Variants in RPS6KC1 observed in about 807,000 individuals in gnomAD.
RPS6KC1 encodes the protein ribosomal protein S6 kinase C1.
Under a neutral mutation model 103.8 loss-of-function variants are expected in RPS6KC1, and 54 were observed. The observed-to-expected ratio is 0.52, with a 90% CI of 0.42 to 0.65. RPS6KC1 has a LOEUF of 0.65. RPS6KC1 is among the 30% of genes least tolerant of loss of function. The pLI is 0.00. For synonymous variants in RPS6KC1, 439 were observed against 438.7 expected (o/e 1.00, Z -0.01); for missense variants, 1,151 against 1,253.8 (o/e 0.92, Z 1.24).
Position 213,187,755 on chromosome 1 carries a change from A to G in RPS6KC1, c.1044+11263A>G, listed in dbSNP as rs576465849. 2.0e-5 allele frequency among the ~76,000 whole-genome samples: 3 copies of G among 151,208 alleles called. 1 individual carries two copies. Among genetic ancestry groups the G allele is most frequent in the African/African-American group, 7.3e-5 (3 of 41,152 alleles). ...GTTTGCTGTTGTTTCTTGTGGGTATATTTTATGTCTTTGCATTGAAGGATA... is the reference window on the plus strand; with the variant it reads ...GTTTGCTGTTGTTTCTTGTGGGTATGTTTTATGTCTTTGCATTGAAGGATA... On this transcript the variant is annotated intron_variant, in intron 8 of 14. Transcript: ENST00000366960.
At chr1:213,414,595 GACC>G in the RPS6KC1 span, among the ~76,000 whole-genome samples, 1 of 152,136 alleles carries the variant, frequency 6.6e-6, no homozygotes, top group African/African-American at 2.4e-5. Context: ...CTCCAGGAGG[GACC>G]AGCCCCTTCT....
the RPS6KC1 span, among the ~76,000 whole-genome samples, chr1:213,844,862 A>G: frequency 6.6e-6 from 1 of 152,192 alleles, no homozygotes; most frequent in African/African-American, 2.4e-5. Flanking sequence ...AAAAGTAAAA[A>G]GTATGAAGTC....
the RPS6KC1 span, among the ~76,000 whole-genome samples, chr1:213,356,205 A>G: frequency 1.2e-4 from 18 of 152,214 alleles, no homozygotes; most frequent in Non-Finnish European, 2.2e-4. Context: ...GGGTGGTACA[A>G]GGTTTTCTAG....
chr1:213,543,160 T>A, the RPS6KC1 span, among the ~76,000 whole-genome samples: 1 of 152,198 alleles, frequency 6.6e-6, no homozygotes, highest in South Asian at 2.1e-4. Flanking sequence ...AGCCTAGAGA[T>A]GCTCATAAAT....
chr1:213,486,543 GT>G, the RPS6KC1 span, among the ~76,000 whole-genome samples: 1 of 152,112 alleles, frequency 6.6e-6, no homozygotes, highest in Admixed American at 6.5e-5. Context: ...GAAAGGTGAT[GT>G]TTGAGTACTT....
the RPS6KC1 span, among the ~76,000 whole-genome samples, chr1:213,811,280 A>G: frequency 2.6e-5 from 4 of 152,212 alleles, no homozygotes; most frequent in Non-Finnish European, 5.9e-5. Context: ...AGACACTGCT[A>G]AAGATACAGA....
At chr1:213,084,134 C>T (rs1317130153) in intron 3 of RPS6KC1, among the ~76,000 whole-genome samples, 1 of 152,090 alleles carries the variant, frequency 6.6e-6, no homozygotes, top group African/African-American at 2.4e-5. Flanking sequence ...CTTTCTCCTT[C>T]CCTCTCTCCC....
chr1:213,720,498 G>A, the RPS6KC1 span, among the ~76,000 whole-genome samples: 12 of 152,300 alleles, frequency 7.9e-5, no homozygotes, highest in South Asian at 1.9e-3. Flanking sequence ...CCAGCACAGC[G>A]ATAAAAATCA....
chr1:213,129,021 C>T (rs966615340), intron 5 of RPS6KC1, among the ~76,000 whole-genome samples: 1 of 152,096 alleles, frequency 6.6e-6, no homozygotes, highest in Non-Finnish European at 1.5e-5. Flanking sequence ...TGGCGCTGGG[C>T]TTGGTGGCTC....
At chr1:213,378,889 G>C in the RPS6KC1 span, among the ~76,000 whole-genome samples, 1 of 152,148 alleles carries the variant, frequency 6.6e-6, no homozygotes, top group Admixed American at 6.5e-5. Context: ...CTTGGTGAGT[G>C]ATTTATGCTG....
At chr1:213,846,281 CAG>C in the RPS6KC1 span, among the ~76,000 whole-genome samples, 1 of 151,648 alleles carries the variant, frequency 6.6e-6, no homozygotes, top group African/African-American at 2.4e-5. Flanking sequence ...GCCTGGGTGA[CAG>C]AGCGAGACTC....
the RPS6KC1 span, among the ~76,000 whole-genome samples, chr1:213,472,407 T>G: frequency 6.6e-6 from 1 of 152,208 alleles, no homozygotes; most frequent in East Asian, 1.9e-4. Flanking sequence ...CTTCCCAGCT[T>G]GACATTACAT....
chr1:213,206,897 G>C (rs2093365735), intron 8 of RPS6KC1, among the ~76,000 whole-genome samples: 1 of 152,136 alleles, frequency 6.6e-6, no homozygotes, highest in Non-Finnish European at 1.5e-5. Flanking sequence ...CGGATCACGA[G>C]GTCAGGAGTT....
At chr1:213,269,190 A>C (rs2094982761) in intron 14 of RPS6KC1, among the ~76,000 whole-genome samples, 1 of 152,138 alleles carries the variant, frequency 6.6e-6, no homozygotes, top group Non-Finnish European at 1.5e-5. Flanking sequence ...ATCAGACAAA[A>C]TGGATATTAA....
chr1:213,491,287 C>T, the RPS6KC1 span, among the ~76,000 whole-genome samples: 4 of 152,180 alleles, frequency 2.6e-5, no homozygotes, highest in Non-Finnish European at 5.9e-5. Context: ...ATGGCTCACA[C>T]CTGTAATCCC....
chr1:213,550,707 C>T, the RPS6KC1 span, among the ~76,000 whole-genome samples: 5 of 152,182 alleles, frequency 3.3e-5, no homozygotes, highest in Non-Finnish European at 4.4e-5. Context: ...GTTTAGGCAT[C>T]TATCTCTGTA....
chr1:213,456,832 T>C, the RPS6KC1 span, among the ~76,000 whole-genome samples: 1 of 152,208 alleles, frequency 6.6e-6, no homozygotes, highest in Non-Finnish European at 1.5e-5. Context: ...ACCTACCCCT[T>C]GTCCCACAAC....
At chr1:213,324,593 C>CTTTTTTTTTTTTTTT in the RPS6KC1 span, among the ~76,000 whole-genome samples, 2 of 81,826 alleles carry the variant, frequency 2.4e-5, no homozygotes, top group Admixed American at 1.3e-4. Context: ...GCTCGATATG[C>CTTTTTTTTTTTTTTT]TTTTTTTTTT....
the RPS6KC1 span, among the ~76,000 whole-genome samples, chr1:213,363,683 T>TTTCC: frequency 7.5e-4 from 67 of 88,816 alleles, no homozygotes; most frequent in Admixed American, 5.0e-3. Flanking sequence ...TCTTTCTTTC[T>TTTCC]TTCTTTCTTT....
Sources: allele counts gnomAD v4.1 joint callset (sites outside exome capture counted in the v4.1 genomes callset), GRCh38; gene constraint gnomAD v4.1.1; transcripts MANE v1.5; gene names NCBI Gene and HGNC (gene_info 2026-07-23, HGNC 2026-07-21).